The following GARRE1 variants were observed in gnomAD, a reference collection of about 807,000 sequenced individuals.
The protein encoded by GARRE1 is granule associated Rac and RHOG effector 1.
GARRE1 carries 49 observed loss-of-function variants against 103.2 expected under a neutral mutation model. That is an observed-to-expected ratio of 0.47 (90% CI 0.38 to 0.60). The LOEUF (loss-of-function observed/expected upper bound fraction) is 0.60, where lower values mean the gene tolerates loss of function less well. GARRE1 is among the 20% of genes least tolerant of loss of function. GARRE1 has a pLI of 0.00. For synonymous variants in GARRE1, 505 were observed against 532.8 expected, an observed-to-expected ratio of 0.95 and a Z score of 0.72; for missense variants, 1,199 against 1,370.5, an observed-to-expected ratio of 0.87 and a Z score of 1.98.
Position 34,293,746 on chromosome 19 carries a change from A to G in GARRE1, c.-795-5933A>G, listed in dbSNP as rs1001064265. 5.6e-3 allele frequency among the ~76,000 whole-genome samples: 529 copies of G among 94,500 alleles called. 11 individuals are homozygous for G. Among genetic ancestry groups the G allele is most frequent in the African/African-American group, 0.021 (513 of 23,990 alleles). 62.0% of individuals were successfully genotyped at this position (94,500 alleles called of 152,430 possible). ...CACACACACACACACACACACACAT[A>G]TTTCTTTTTTTTTTTTTTTTTTTTT... On this transcript the variant is annotated intron_variant, in intron 1 of 13. Transcript: ENST00000299505.
In GARRE1 at chr19:34,300,821, G is replaced by A; in HGVS notation, c.348G>A (p.Gln116=). 6.2e-7 allele frequency: 1 copy of A among 1,614,218 alleles called. No homozygotes were observed. The change falls in exon 2 of 14, where the codon CAG becomes CAA. Residue 116 remains glutamine, a synonymous_variant. Coordinates refer to ENST00000299505, the MANE Select transcript of GARRE1 (RefSeq NM_014686.5). ...CTCACTACTCAAAGGCAGCCACACA[G>A]CTCAAAGATGTGCAGGAGCATGTCA... ...RNSHYSKAAT[Q]LKDVQEHVME...
intron 3 of GARRE1, among the ~76,000 whole-genome samples, chr19:34,325,323 C>G (rs972381058): frequency 1.3e-5 from 2 of 152,118 alleles, no homozygotes; most frequent in African/African-American, 4.8e-5. Context: ...GTGAGCAGCC[C>G]ACTTCCTGTG....
intron 8 of GARRE1, among the ~76,000 whole-genome samples, chr19:34,334,627 A>T (rs746113181): frequency 2.0e-5 from 3 of 150,668 alleles, no homozygotes; most frequent in Non-Finnish European, 4.4e-5. Context: ...TGAACCCAGG[A>T]GGCGGAGGTT....
chr19:34,318,915 C>T (rs1248286571), intron 2 of GARRE1, among the ~76,000 whole-genome samples: 7 of 151,748 alleles, frequency 4.6e-5, no homozygotes, highest in Non-Finnish European at 7.4e-5. Context: ...GATAGTGCAC[C>T]GAGGTCAGAG....
intron 8 of GARRE1, among the ~76,000 whole-genome samples, chr19:34,334,695 T>TAA (rs1176836787): frequency 1.4e-5 from 1 of 71,566 alleles, no homozygotes; most frequent in South Asian, 4.1e-4. Context: ...CAAAACTATC[T>TAA]CAAAAAAAAA....
intron 10 of GARRE1, among the ~76,000 whole-genome samples, chr19:34,343,629 C>T (rs1255252133): frequency 6.6e-6 from 1 of 151,380 alleles, no homozygotes; most frequent in African/African-American, 2.4e-5. Flanking sequence ...GGCAGATTGC[C>T]TGAGGCCAGG....
At chr19:34,278,899 C>T (rs2073834355) in intron 1 of GARRE1, among the ~76,000 whole-genome samples, 2 of 152,008 alleles carry the variant, frequency 1.3e-5, no homozygotes, top group African/African-American at 4.8e-5. Context: ...CTCAAACTGG[C>T]CTCAAGCGAT....
At chr19:34,260,723 A>G (rs908962658) in intron 1 of GARRE1, among the ~76,000 whole-genome samples, 1 of 152,218 alleles carries the variant, frequency 6.6e-6, no homozygotes, top group African/African-American at 2.4e-5. Context: ...CACATTAGCT[A>G]TCTATAGAAA....
In GARRE1 at chr19:34,300,441, A is replaced by G. The variant is rs1408916989; in HGVS notation, c.-33A>G. The G allele has an allele frequency of 6.6e-7, 1 of 1,522,226 alleles. No homozygotes were observed. Among genetic ancestry groups the G allele is most frequent in the Non-Finnish European group, 8.8e-7 (1 of 1,132,968 alleles). 94.3% of individuals were successfully genotyped at this position (1,522,226 alleles called of 1,614,324 possible). Reference sequence around the variant, plus strand: ...GAAAGAAGAATCAGAACCCTGACCCACTTACGGTTGCTGGGACAATTCCCC... The same window carrying G: ...GAAAGAAGAATCAGAACCCTGACCCGCTTACGGTTGCTGGGACAATTCCCC... On this transcript the variant is annotated 5_prime_UTR_variant, in exon 2 of 14. Transcript: ENST00000299505.
At chr19:34,328,202 T>A (rs1357139541) in intron 6 of GARRE1, 51 bp downstream of exon 6, 1 of 1,584,224 alleles carries the variant, frequency 6.3e-7, no homozygotes. Flanking sequence ...AAAATAGAGT[T>A]CTTAAGAGAA....
At position 34,327,815 on chromosome 19, in the gene GARRE1, A is replaced by G. The variant is rs201554641; in HGVS notation, c.891A>G (p.Ala297=). The change falls in exon 5 of 14, where the codon GCA becomes GCG. Residue 297 remains alanine, a synonymous_variant. Transcript: ENST00000299505. The part of the protein sequence containing the change: ...ALESLGHCEY[A]MKAGFHLNPK... ...AAAGCTTAGGACACTGTGAATATGCAATGAAAGCCGGCTTCCACCTGAATC... is the reference window on the plus strand; with the variant it reads ...AAAGCTTAGGACACTGTGAATATGCGATGAAAGCCGGCTTCCACCTGAATC... 1,598 of 1,614,230 alleles carry G rather than the reference A, an allele frequency of 9.9e-4. 28 individuals are homozygous for G. The South Asian group carries it at 0.017, about 17-fold the overall frequency.
chr19:34,281,083 G>A (rs1210424817), intron 1 of GARRE1, among the ~76,000 whole-genome samples: 1 of 152,104 alleles, frequency 6.6e-6, no homozygotes, highest in Non-Finnish European at 1.5e-5. Context: ...CTCATTTGTT[G>A]ACAGTAACAC....
intron 1 of GARRE1, among the ~76,000 whole-genome samples, chr19:34,278,260 A>G (rs1437586086): frequency 1.3e-5 from 2 of 151,888 alleles, no homozygotes; most frequent in Non-Finnish European, 2.9e-5. Context: ...CCTGGCCAAC[A>G]TGGTGAAACC....
Position 34,254,560 on chromosome 19 carries a change from T to G in GARRE1, c.-850T>G, listed in dbSNP as rs987306500. 1 of 151,992 alleles carries G rather than the reference T, an allele frequency of 6.6e-6. No homozygotes were observed. The highest frequency in any genetic ancestry group is 1.5e-5 in the Non-Finnish European group (1 of 67,788). 9.4% of individuals were successfully genotyped at this position (151,992 alleles called of 1,614,324 possible). On this transcript the variant is annotated 5_prime_UTR_variant, in exon 1 of 14. Transcript: ENST00000299505. Reference sequence around the variant, plus strand: ...GCGGGGCCGGACCGGAGACGTAACTTCCGGTGTACACAGCCGGTCCAAGGC... The same window carrying G: ...GCGGGGCCGGACCGGAGACGTAACTGCCGGTGTACACAGCCGGTCCAAGGC...
rs1216311855 is a variant in GARRE1, at chr19:34,309,088, AC to A, written c.495+8121del. On this transcript the variant is annotated intron_variant, in intron 2 of 13. Transcript: ENST00000299505. ...TACTTCTCCCTCTTTAAAAAAAAAA[AC>A]AAACCCTGAAATAATCTAATCAAGC... Among the ~76,000 whole-genome samples, 13 of 151,896 alleles carry A rather than the reference AC, an allele frequency of 8.6e-5. No individual in the cohort carries two copies. The South Asian group carries it at 2.7e-3, about 32-fold the overall frequency.
chr19:34,336,831 T>G (rs1031306311), intron 8 of GARRE1, among the ~76,000 whole-genome samples: 1 of 149,864 alleles, frequency 6.7e-6, no homozygotes, highest in African/African-American at 2.5e-5. Flanking sequence ...TTAATCAGAA[T>G]TCTCATTTTG....
intron 1 of GARRE1, chr19:34,265,533 C>T (rs1407739568): frequency 1.3e-5 from 2 of 152,132 alleles, no homozygotes; most frequent in African/African-American, 2.4e-5. Flanking sequence ...ATGGGAGGAG[C>T]CATGACCTCT....
At position 34,309,835 on chromosome 19, in the gene GARRE1, A is replaced by G. The variant is rs560347616; in HGVS notation, c.495+8867A>G. 3.9e-5 allele frequency among the ~76,000 whole-genome samples: 6 copies of G among 152,306 alleles called. No individual in the cohort carries two copies. In the East Asian group the frequency reaches 9.6e-4, roughly 24 times the overall value. ...GCATGTGAAGTGGTCTTCTAACAGA[A>G]AGGGGAGCATTATTGAGTAGTTAGA... On this transcript the variant is annotated intron_variant, in intron 2 of 13. Transcript: ENST00000299505.
intron 1 of GARRE1, chr19:34,296,460 C>T (rs1213786440): frequency 1.9e-5 from 31 of 1,592,992 alleles, no homozygotes; most frequent in South Asian, 4.4e-5. Flanking sequence ...GTAGGCAAGT[C>T]GATCGAGCTT....
Sources: gnomAD v4.1 joint callset for allele counts (sites outside exome capture counted in the v4.1 genomes callset) on GRCh38, gnomAD v4.1.1 for gene constraint, MANE v1.5 for transcripts, NCBI Gene and HGNC (gene_info 2026-07-23, HGNC 2026-07-21) for gene names.